The following NXPE4 variants were observed in gnomAD, a reference collection of about 807,000 sequenced individuals.
The protein encoded by NXPE4 is NXPE family member 4.
NXPE4 carries 42 observed loss-of-function variants against 33.3 expected under a neutral mutation model. The ratio of observed to expected loss-of-function variants is 1.26; its 90% CI spans 0.98 to 1.63. The LOEUF (loss-of-function observed/expected upper bound fraction) is 1.63. NXPE4 is among the 40% of genes most tolerant of loss of function. The pLI is 0.00. For missense variants in NXPE4, 709 were observed against 647.6 expected (o/e 1.09, Z -1.03); for synonymous variants, 253 against 234.9 (o/e 1.08, Z -0.71).
the NXPE4 span, among the ~76,000 whole-genome samples, chr11:114,603,920 A>G: frequency 6.6e-6 from 1 of 150,970 alleles, no homozygotes; most frequent in Non-Finnish European, 1.5e-5. Flanking sequence ...GGTAACTGCT[A>G]ATACCTGGTG....
chr11:114,644,191 G>A, the NXPE4 span, among the ~76,000 whole-genome samples: 5 of 152,156 alleles, frequency 3.3e-5, no homozygotes, highest in South Asian at 1.0e-3. Flanking sequence ...TACAATCATG[G>A]CATCTGCAAA....
intron 2 of NXPE4, among the ~76,000 whole-genome samples, chr11:114,593,196 ACTT>A (rs1949501421): frequency 6.6e-6 from 1 of 152,056 alleles, no homozygotes; most frequent in African/African-American, 2.4e-5. Context: ...AAAACTAAAA[ACTT>A]CTTCACAGCA....
intron 5 of NXPE4, among the ~76,000 whole-genome samples, chr11:114,573,849 A>G (rs1165183762): frequency 6.6e-6 from 1 of 152,054 alleles, no homozygotes. Context: ...ACTATACCCT[A>G]AAACAAATGA....
the NXPE4 span, among the ~76,000 whole-genome samples, chr11:114,666,234 A>G: frequency 6.6e-6 from 1 of 152,174 alleles, no homozygotes; most frequent in East Asian, 1.9e-4. Flanking sequence ...TAGCAGATTC[A>G]TTCCTCTTTA....
chr11:114,582,758 C>G lies in NXPE4; in HGVS notation c.360G>C (p.Leu120=). Residue 120 remains leucine (L), a synonymous_variant, in exon 3 of 6, where the codon CTG becomes CTC. Coordinates refer to ENST00000375478, the MANE Select transcript of NXPE4 (RefSeq NM_001077639.2). ...GTCCCAAGTGGTCCCTCACCTCCAG[C>G]AGGATGTGCAGCTGGTCTCCCCTGC... is the stretch of plus-strand genomic sequence containing the variant. ...TYCRGDQLHI[L]LEVRDHLGRR... is the part of the protein sequence containing the mutation. The G allele has an allele frequency of 6.2e-7, 1 of 1,614,192 alleles. No individual in the cohort carries two copies. The highest frequency in any genetic ancestry group is 8.5e-7 in the Non-Finnish European group (1 of 1,180,014).
At chr11:114,632,265 A>G in the NXPE4 span, among the ~76,000 whole-genome samples, 3 of 139,346 alleles carry the variant, frequency 2.2e-5, no homozygotes, top group Admixed American at 1.6e-4. Flanking sequence ...TGTATAATAT[A>G]TATGTATATA....
the NXPE4 span, among the ~76,000 whole-genome samples, chr11:114,632,497 TTATAG>T: frequency 3.2e-5 from 4 of 125,736 alleles, no homozygotes; most frequent in African/African-American, 1.2e-4. Context: ...ATAATATATA[TTATAG>T]TATTTTATTT....
chr11:114,605,829 A>T, the NXPE4 span, among the ~76,000 whole-genome samples: 2 of 151,836 alleles, frequency 1.3e-5, no homozygotes, highest in Non-Finnish European at 1.5e-5. Context: ...AGTGGAAAAC[A>T]AGTATTGCCT....
the NXPE4 span, among the ~76,000 whole-genome samples, chr11:114,628,442 A>G: frequency 5.3e-5 from 8 of 152,122 alleles, no homozygotes; most frequent in African/African-American, 1.2e-4. Context: ...ACGAAATGAA[A>G]GCAGAAATAA....
At chr11:114,636,183 T>C in the NXPE4 span, among the ~76,000 whole-genome samples, 43 of 152,156 alleles carry the variant, frequency 2.8e-4, 1 homozygote, top group East Asian at 8.3e-3. Context: ...CTTCCTGGTT[T>C]AGTCTTAGGA....
chr11:114,576,324 A>G (rs1217385123), intron 5 of NXPE4, among the ~76,000 whole-genome samples: 2 of 148,646 alleles, frequency 1.3e-5, no homozygotes, highest in African/African-American at 5.0e-5. Flanking sequence ...CCAAAAGCAA[A>G]TGCAACAAAA....
At chr11:114,597,970 A>T (rs2135313789), upstream of NXPE4, among the ~76,000 whole-genome samples, 1 of 152,290 alleles carries the variant, frequency 6.6e-6, no homozygotes, top group Admixed American at 6.5e-5. Flanking sequence ...CAAAAGTCTG[A>T]AGTCCAAAGT....
In NXPE4 at chr11:114,582,736, C is replaced by T; in HGVS notation, c.382G>A (p.Gly128Arg). ...TCCCCGCCATATTGCTTCCTGCGTC[C>T]CAAGTGGTCCCTCACCTCCAGCAGG... ...HILLEVRDHL[G>R]RRKQYGGDFL... The change falls in exon 3 of 6, where the codon GGA becomes AGA. Residue 128 changes from glycine (G) to arginine (R), a missense_variant. Gly to Arg is a moderately radical substitution (Grantham distance 125). Coordinates refer to ENST00000375478, the MANE Select transcript of NXPE4 (RefSeq NM_001077639.2). The T allele has an allele frequency of 6.2e-7, 1 of 1,614,170 alleles. No homozygotes were observed. The highest frequency in any genetic ancestry group is 8.5e-7 in the Non-Finnish European group (1 of 1,180,012).
chr11:114,671,804 C>T, the NXPE4 span, among the ~76,000 whole-genome samples: 1 of 152,002 alleles, frequency 6.6e-6, no homozygotes, highest in African/African-American at 2.4e-5. Flanking sequence ...GAGAATTCCT[C>T]AGTTTGAAAA....
the NXPE4 span, among the ~76,000 whole-genome samples, chr11:114,666,474 ATTGAT>A: frequency 2.0e-5 from 3 of 152,174 alleles, no homozygotes; most frequent in Non-Finnish European, 4.4e-5. Context: ...TCACATCAGT[ATTGAT>A]TTGTCTTAAA....
the NXPE4 span, among the ~76,000 whole-genome samples, chr11:114,665,268 A>C: frequency 7.9e-5 from 12 of 152,148 alleles, no homozygotes; most frequent in Non-Finnish European, 1.6e-4. Context: ...ACCAGCTTTA[A>C]GTCATTTGAA....
chr11:114,627,051 C>T, the NXPE4 span, among the ~76,000 whole-genome samples: 4 of 151,858 alleles, frequency 2.6e-5, no homozygotes, highest in African/African-American at 9.7e-5. Context: ...CATTTGTGTA[C>T]CTGAAAGTGA....
At chr11:114,677,328 T>A in the NXPE4 span, among the ~76,000 whole-genome samples, 2 of 152,236 alleles carry the variant, frequency 1.3e-5, no homozygotes, top group African/African-American at 4.8e-5. Flanking sequence ...GTTAATTAGC[T>A]TGATTGTAGT....
chr11:114,602,365 T>A, the NXPE4 span, among the ~76,000 whole-genome samples: 3 of 127,552 alleles, frequency 2.4e-5, no homozygotes, highest in Non-Finnish European at 4.7e-5. Flanking sequence ...ATATAATATG[T>A]TATATACAAT....
Sources: gnomAD v4.1 joint callset for allele counts (sites outside exome capture counted in the v4.1 genomes callset) on GRCh38, gnomAD v4.1.1 for gene constraint, MANE v1.5 for transcripts, NCBI Gene and HGNC (gene_info 2026-07-23, HGNC 2026-07-21) for gene names.